Variants in SMYD3 observed in about 807,000 individuals in gnomAD.
SMYD3 encodes SET and MYND domain containing 3.
In SMYD3, 36 loss-of-function variants were observed where a neutral mutation model predicts 57.7. That is an observed-to-expected ratio of 0.62 (90% CI 0.48 to 0.82). The LOEUF is 0.82. SMYD3 is among the 40% of genes least tolerant of loss of function. The probability of loss-of-function intolerance (pLI) is 0.00; values close to 1 mark genes in which losing one functional copy is unlikely to be tolerated. For missense variants in SMYD3, 515 were observed against 538.8 expected, an observed-to-expected ratio of 0.96 and a Z score of 0.44; for synonymous variants, 211 against 195.0, an observed-to-expected ratio of 1.08 and a Z score of -0.68.
intron 5 of SMYD3, among the ~76,000 whole-genome samples, chr1:246,090,905 C>A (rs1383841960): frequency 2.0e-5 from 3 of 152,104 alleles, no homozygotes; most frequent in Non-Finnish European, 4.4e-5. Context: ...AATGACGAAG[C>A]CCAGGTACGT....
At chr1:246,181,323 G>A (rs12144114) in intron 5 of SMYD3, among the ~76,000 whole-genome samples, 10,782 of 152,228 alleles carry the variant, frequency 0.071, 544 homozygotes, top group African/African-American at 0.13. Flanking sequence ...CAGCTCTAGT[G>A]GAAGTAGGAG....
intron 5 of SMYD3, among the ~76,000 whole-genome samples, chr1:246,001,908 G>T (rs1197843890): frequency 6.6e-6 from 1 of 152,146 alleles, no homozygotes; most frequent in Non-Finnish European, 1.5e-5. Flanking sequence ...CAGAACAAGA[G>T]ATTTTGACAG....
intron 2 of SMYD3, among the ~76,000 whole-genome samples, chr1:246,350,705 A>C (rs2065808559): frequency 1.3e-5 from 2 of 152,164 alleles, no homozygotes; most frequent in Admixed American, 1.3e-4. Flanking sequence ...AGCCAAGTGG[A>C]AATCAGGAGA....
At chr1:245,818,429 A>G (rs371998642) in intron 10 of SMYD3, among the ~76,000 whole-genome samples, 24 of 152,320 alleles carry the variant, frequency 1.6e-4, no homozygotes, top group African/African-American at 3.1e-4. Context: ...GGTACCAGCC[A>G]CTGCAAAATC....
chr1:245,818,795 G>C (rs570968016), intron 10 of SMYD3, among the ~76,000 whole-genome samples: 1 of 151,936 alleles, frequency 6.6e-6, no homozygotes, highest in East Asian at 1.9e-4. Context: ...AAGAGACAAA[G>C]AAGGCCATTA....
At chr1:246,073,105 A>G (rs2060486177) in intron 5 of SMYD3, among the ~76,000 whole-genome samples, 1 of 152,204 alleles carries the variant, frequency 6.6e-6, no homozygotes, top group African/African-American at 2.4e-5. Context: ...ATTTCCAACC[A>G]TAGTAATAAG....
intron 5 of SMYD3, among the ~76,000 whole-genome samples, chr1:246,287,448 A>G (rs2064592419): frequency 6.6e-6 from 1 of 152,196 alleles, no homozygotes; most frequent in Admixed American, 6.5e-5. Context: ...CTGTTAAGTT[A>G]GGACTCCAGA....
chr1:246,018,231 C>A (rs1167715485), intron 5 of SMYD3, among the ~76,000 whole-genome samples: 3 of 152,160 alleles, frequency 2.0e-5, no homozygotes, highest in Admixed American at 6.5e-5. Context: ...GAGTTCACAC[C>A]AGTCTCTCTA....
At chr1:246,362,090 G>A (rs2065997091) in intron 1 of SMYD3, among the ~76,000 whole-genome samples, 1 of 152,128 alleles carries the variant, frequency 6.6e-6, no homozygotes, top group Non-Finnish European at 1.5e-5. Context: ...AACTTTGGTA[G>A]AATATACGTA....
intron 8 of SMYD3, among the ~76,000 whole-genome samples, chr1:245,876,423 A>G (rs2052488484): frequency 6.6e-6 from 1 of 152,226 alleles, no homozygotes; most frequent in African/African-American, 2.4e-5. Context: ...AAGGACCATC[A>G]GCGTGGCCTT....
intron 5 of SMYD3, among the ~76,000 whole-genome samples, chr1:246,066,380 C>A (rs913548158): frequency 3.3e-5 from 5 of 151,996 alleles, no homozygotes; most frequent in Non-Finnish European, 5.9e-5. Context: ...CTGCTGAAAA[C>A]TGTTTCTTCA....
chr1:245,945,256 C>G (rs2057393520), intron 5 of SMYD3, among the ~76,000 whole-genome samples: 1 of 152,082 alleles, frequency 6.6e-6, no homozygotes, highest in Non-Finnish European at 1.5e-5. Flanking sequence ...TGTCCAGAGT[C>G]TACAAGGAAC....
Position 246,367,409 on chromosome 1 carries a change from T to C in SMYD3, c.165-12315A>G, listed in dbSNP as rs564858898. Among the ~76,000 whole-genome samples the C allele has an allele frequency of 3.3e-5, 5 of 152,318 alleles. No individual in the cohort carries two copies. In the East Asian group the frequency reaches 9.6e-4, roughly 29 times the overall value. The stretch of plus-strand genomic sequence containing the variant: ...AAGATGACAGAAATTGTGCATATTT[T>C]AAGGCAAAGTATGGTGGTCTCAGAA... On this transcript the variant is annotated intron_variant, in intron 1 of 11. Transcript: ENST00000490107.
chr1:246,438,137 T>A (rs536974216), intron 1 of SMYD3, among the ~76,000 whole-genome samples: 1 of 152,274 alleles, frequency 6.6e-6, no homozygotes, highest in Non-Finnish European at 1.5e-5. Context: ...AAAAAGGAGA[T>A]GCATGTTAAG....
intron 5 of SMYD3, among the ~76,000 whole-genome samples, chr1:246,149,039 G>A (rs1314666024): frequency 2.0e-5 from 3 of 152,210 alleles, no homozygotes; most frequent in East Asian, 1.9e-4. Context: ...AGGAGTAGAC[G>A]CCTCATTTGA....
intron 10 of SMYD3, among the ~76,000 whole-genome samples, chr1:245,833,073 A>AAAAAAAAAAAAAAAAAAAAAAAAAC: frequency 8.6e-5 from 11 of 128,648 alleles, no homozygotes; most frequent in Non-Finnish European, 1.3e-4. Context: ...AAAAAAAAAA[A>AAAAAAAAAAAAAAAAAAAAAAAAAC]AACCTGCTTT....
chr1:246,223,825 G>A (rs573162561), intron 5 of SMYD3, among the ~76,000 whole-genome samples: 23 of 152,082 alleles, frequency 1.5e-4, no homozygotes, highest in African/African-American at 5.1e-4. Context: ...TTTACAATAC[G>A]GAATACTTCA....
At position 245,833,073 on chromosome 1, in the gene SMYD3, A is replaced by AAAAAAAAAAAACAAAAAAACACAAC; in HGVS notation, c.1076+25422_1076+25423insGTTGTGTTTTTTTGTTTTTTTTTTT. Among the ~76,000 whole-genome samples, 3 of 128,652 alleles carry AAAAAAAAAAAACAAAAAAACACAAC rather than the reference A, an allele frequency of 2.3e-5. No individual in the cohort carries two copies. The South Asian group carries it at 9.3e-4, about 40-fold the overall frequency. The allele number at this position is 128,652 out of a possible 152,430, so 84.4% of individuals were successfully genotyped here. A position where few individuals can be genotyped will look rare whatever the true frequency, so the allele number is the denominator to read the frequency against. On this transcript the variant is annotated intron_variant, in intron 10 of 11. Transcript: ENST00000490107. ...GGAATATGTGACAAAAAAAAAAAAA[A>AAAAAAAAAAAACAAAAAAACACAAC]AACCTGCTTTTATAATGCTGATTCA... is the stretch of plus-strand genomic sequence containing the variant.
chr1:246,261,115 G>A (rs1310190584), intron 5 of SMYD3, among the ~76,000 whole-genome samples: 2 of 152,104 alleles, frequency 1.3e-5, no homozygotes, highest in African/African-American at 2.4e-5. Context: ...CTGGAGTGCA[G>A]TGGCACCATC....
Sources: gnomAD v4.1 joint callset for allele counts (sites outside exome capture counted in the v4.1 genomes callset) on GRCh38, gnomAD v4.1.1 for gene constraint, MANE v1.5 for transcripts, NCBI Gene and HGNC (gene_info 2026-07-23, HGNC 2026-07-21) for gene names.